KAZN: variants seen among roughly 807,000 people sequenced by gnomAD.
KAZN encodes the protein kazrin.
In KAZN, 40 loss-of-function variants were observed where a neutral mutation model predicts 87.4. The ratio of observed to expected loss-of-function variants is 0.46; its 90% CI spans 0.36 to 0.60. The LOEUF (loss-of-function observed/expected upper bound fraction) is 0.60. Ranked by LOEUF, KAZN falls within the 20% of genes least tolerant of loss-of-function variation. The pLI, the probability that KAZN is intolerant of heterozygous loss-of-function variation, is 0.00. For synonymous variants in KAZN, 466 were observed against 458.3 expected (o/e 1.02, Z -0.22); for missense variants, 898 against 1,073.9 (o/e 0.84, Z 2.29).
At chr1:14,932,499 A>G (rs1659958269) in intron 1 of KAZN, among the ~76,000 whole-genome samples, 1 of 152,220 alleles carries the variant, frequency 6.6e-6, no homozygotes, top group African/African-American at 2.4e-5. Context: ...CTGGGCTTAA[A>G]TGCAGCTAGT....
At chr1:14,890,840 C>CTT (rs34718502) in intron 1 of KAZN, among the ~76,000 whole-genome samples, 2,194 of 69,562 alleles carry the variant, frequency 0.032, 209 homozygotes, top group East Asian at 0.094. Flanking sequence ...GGAATCTGGA[C>CTT]TTTTTTTTTT....
chr1:14,887,322 C>T (rs745557207), intron 1 of KAZN, among the ~76,000 whole-genome samples: 1 of 152,150 alleles, frequency 6.6e-6, no homozygotes, highest in Non-Finnish European at 1.5e-5. Context: ...GTAGCATTGC[C>T]GTGAAGAACT....
chr1:14,346,197 C>T (rs1394680136), intron 2 of KAZN, among the ~76,000 whole-genome samples: 2 of 152,150 alleles, frequency 1.3e-5, no homozygotes, highest in African/African-American at 4.8e-5. Context: ...TGGCTTGTTA[C>T]TGTACATGAA....
chr1:14,552,118 C>T (rs1197482187), intron 2 of KAZN, among the ~76,000 whole-genome samples: 2 of 152,088 alleles, frequency 1.3e-5, no homozygotes, highest in African/African-American at 4.8e-5. Context: ...TATAATTTAC[C>T]CCTTTAGCCT....
chr1:15,114,564 G>A lies in KAZN; in HGVS notation c.2257G>A (p.Asp753Asn), dbSNP rs763717826. 20 of 1,607,504 alleles carry A rather than the reference G, an allele frequency of 1.2e-5. No homozygotes were observed. The highest frequency in any genetic ancestry group is 7.8e-5 in the South Asian group (7 of 89,558). The part of the protein sequence containing the change: ...GSLQNEDCGD[D>N]DPQSRLEQCR... Reference sequence around the variant, plus strand: ...TCTTCAAAACGAAGATTGCGGAGACGATGACCCCCAGAGCAGGCTGGAACA... The same window carrying A: ...TCTTCAAAACGAAGATTGCGGAGACAATGACCCCCAGAGCAGGCTGGAACA... Residue 753 changes from aspartate (D) to asparagine (N), a missense_variant, in exon 15 of 15, where the codon GAT (aspartate) becomes AAT (asparagine). Transcript: ENST00000376030.
At chr1:14,200,138 G>T (rs1646608738) in intron 2 of KAZN, among the ~76,000 whole-genome samples, 1 of 151,926 alleles carries the variant, frequency 6.6e-6, no homozygotes, top group African/African-American at 2.4e-5. Flanking sequence ...GTGAAAAATT[G>T]GAAACCAAAT....
At chr1:14,798,379 C>T (rs1049150807) in intron 1 of KAZN, among the ~76,000 whole-genome samples, 7 of 150,014 alleles carry the variant, frequency 4.7e-5, no homozygotes, top group Non-Finnish European at 7.4e-5. Flanking sequence ...CAATAGCCCT[C>T]GGAGGTGATC....
At chr1:14,028,320 C>CA (rs1418626342) in intron 1 of KAZN, among the ~76,000 whole-genome samples, 1 of 152,180 alleles carries the variant, frequency 6.6e-6, no homozygotes, top group Non-Finnish European at 1.5e-5. Flanking sequence ...TCATGCTTTT[C>CA]AAATTGGGCG....
At chr1:13,936,938 A>T (rs374112337) in intron 1 of KAZN, among the ~76,000 whole-genome samples, 2 of 151,948 alleles carry the variant, frequency 1.3e-5, no homozygotes, top group African/African-American at 2.4e-5. Context: ...TTTAATTTGC[A>T]TTTCTCTGAT....
At chr1:14,678,662 G>A (rs79977832) in intron 1 of KAZN, among the ~76,000 whole-genome samples, 1,633 of 152,284 alleles carry the variant, frequency 0.011, 36 homozygotes, top group African/African-American at 0.036. Context: ...GATGCAGGGC[G>A]AGCCCCTTCC....
At chr1:14,165,809 A>G (rs1197129174) in intron 1 of KAZN, among the ~76,000 whole-genome samples, 2 of 152,186 alleles carry the variant, frequency 1.3e-5, no homozygotes, top group Non-Finnish European at 2.9e-5. Flanking sequence ...CTTAGGGGCA[A>G]ACTCTTTGAC....
At chr1:14,507,922 G>A (rs985873040) in intron 2 of KAZN, among the ~76,000 whole-genome samples, 2 of 151,860 alleles carry the variant, frequency 1.3e-5, no homozygotes, top group Admixed American at 6.6e-5. Flanking sequence ...AGTCGAGATC[G>A]CGCCACTGCT....
At chr1:14,166,527 A>G (rs865902064) in intron 1 of KAZN, among the ~76,000 whole-genome samples, 4 of 152,220 alleles carry the variant, frequency 2.6e-5, no homozygotes, top group Non-Finnish European at 5.9e-5. Context: ...ATTACATTAC[A>G]CAAAATAAGC....
At position 14,184,922 on chromosome 1, in the gene KAZN, C is replaced by T. The variant is rs1321429918; in HGVS notation, c.249+4330C>T. On this transcript the variant is annotated intron_variant, in intron 2 of 16. Coordinates refer to the KAZN transcript ENST00000636203. The surrounding 1 kb of genome is among the most constrained non-coding windows in gnomAD (Gnocchi z 4.2). ...CTTCTGTTACTAGCACTTTCCATCC[C>T]TCCAGATTCTTTCCGAAGTTGATAC... Among the ~76,000 whole-genome samples, 6 of 152,202 alleles carry T rather than the reference C, an allele frequency of 3.9e-5. No homozygotes were observed. The highest frequency in any genetic ancestry group is 8.8e-5 in the Non-Finnish European group (6 of 68,030).
intron 1 of KAZN, among the ~76,000 whole-genome samples, chr1:14,738,184 A>G (rs1643970326): frequency 6.6e-6 from 1 of 152,174 alleles, no homozygotes; most frequent in Non-Finnish European, 1.5e-5. Context: ...TTGCTTCCAC[A>G]GGCTCTAGTA....
At chr1:14,483,767 T>C (rs1441737379) in intron 2 of KAZN, among the ~76,000 whole-genome samples, 1 of 152,200 alleles carries the variant, frequency 6.6e-6, no homozygotes, top group African/African-American at 2.4e-5. Context: ...ACTTTTTAGG[T>C]TAATCCTATT....
At chr1:14,976,869 G>A (rs747230420) in intron 2 of KAZN, among the ~76,000 whole-genome samples, 47 of 152,090 alleles carry the variant, frequency 3.1e-4, no homozygotes, top group Admixed American at 2.7e-3. Context: ...TCTGGCCAAC[G>A]TGGTGAAACC....
chr1:14,000,933 C>T (rs1263731686), intron 1 of KAZN, among the ~76,000 whole-genome samples: 2 of 151,916 alleles, frequency 1.3e-5, no homozygotes, highest in South Asian at 4.2e-4. Context: ...CAGGCGCCCG[C>T]CACTACGCCC....
chr1:14,853,334 C>T (rs1487038091), intron 1 of KAZN, among the ~76,000 whole-genome samples: 1 of 152,128 alleles, frequency 6.6e-6, no homozygotes, highest in African/African-American at 2.4e-5. Context: ...ACAGAGGAGA[C>T]TTGAAGAGCA....
Sources: gnomAD v4.1 joint callset for allele counts (sites outside exome capture counted in the v4.1 genomes callset) on GRCh38, gnomAD v4.1.1 for gene constraint, Gnocchi (gnomAD v3.1) non-coding constraint, MANE v1.5 for transcripts, NCBI Gene and HGNC (gene_info 2026-07-23, HGNC 2026-07-21) for gene names.